The following SLC25A21 variants were observed in gnomAD, a reference collection of about 807,000 sequenced individuals.
SLC25A21 encodes mitochondrial 2-oxodicarboxylate carrier.
A neutral mutation model predicts 43.8 loss-of-function variants in SLC25A21; 47 were observed. That is an observed-to-expected ratio of 1.07 (90% CI 0.85 to 1.37). The LOEUF (loss-of-function observed/expected upper bound fraction) is 1.37, where lower values mean the gene tolerates loss of function less well. Ranked by LOEUF, SLC25A21 falls within the 40% of genes most tolerant of loss-of-function variation. The pLI is 0.00. For synonymous variants in SLC25A21, 131 were observed against 121.3 expected (o/e 1.08, Z -0.52); for missense variants, 352 against 350.2 (o/e 1.00, Z -0.04).
At chr14:37,083,593 C>A (rs769307884) in intron 1 of SLC25A21, among the ~76,000 whole-genome samples, 4 of 152,140 alleles carry the variant, frequency 2.6e-5, no homozygotes, top group African/African-American at 7.2e-5. Flanking sequence ...CAGTCAATAA[C>A]CACGAAAGCT....
intron 6 of SLC25A21, among the ~76,000 whole-genome samples, chr14:36,714,466 C>T (rs76690574): frequency 0.012 from 1,772 of 152,272 alleles, 28 homozygotes; most frequent in African/African-American, 0.04. Context: ...GCAGTAAATC[C>T]TATAAATTGG....
At chr14:36,823,314 T>G (rs114310093) in intron 2 of SLC25A21, among the ~76,000 whole-genome samples, 1,533 of 152,292 alleles carry the variant, frequency 0.01, 36 homozygotes, top group African/African-American at 0.035. Context: ...TGGTCTCCAT[T>G]AAACAAAAGC....
At chr14:37,015,158 A>G (rs1960821955) in intron 1 of SLC25A21, among the ~76,000 whole-genome samples, 1 of 151,262 alleles carries the variant, frequency 6.6e-6, no homozygotes, top group Non-Finnish European at 1.5e-5. Context: ...GTCACTTAGC[A>G]TTAGGTATAT....
chr14:36,896,855 T>C (rs1891254306), intron 1 of SLC25A21, among the ~76,000 whole-genome samples: 1 of 152,216 alleles, frequency 6.6e-6, no homozygotes, highest in Non-Finnish European at 1.5e-5. Context: ...TTAAGAATGT[T>C]GAATATTGGC....
chr14:37,010,884 A>T (rs1960715771), intron 1 of SLC25A21, among the ~76,000 whole-genome samples: 1 of 152,056 alleles, frequency 6.6e-6, no homozygotes, highest in African/African-American at 2.4e-5. Context: ...AGCTGGGACT[A>T]GCGGTACGCA....
Position 36,888,649 on chromosome 14 carries a change from G to C in SLC25A21, c.71-13645C>G, listed in dbSNP as rs573954880. Among the ~76,000 whole-genome samples the C allele has an allele frequency of 2.0e-5, 3 of 152,220 alleles. No individual in the cohort carries two copies. In the South Asian group the frequency reaches 6.2e-4, roughly 32 times the overall value. On this transcript the variant is annotated intron_variant, in intron 1 of 9. Coordinates refer to ENST00000331299, the MANE Select transcript of SLC25A21 (RefSeq NM_030631.4). Reference sequence around the variant, plus strand: ...GCCCTTCCTACGGTGTATCTTACAAGAAGAAAGAGGAAATGTTGCTTCAAA... The same window carrying C: ...GCCCTTCCTACGGTGTATCTTACAACAAGAAAGAGGAAATGTTGCTTCAAA...
At chr14:36,872,263 G>A (rs1890395311) in intron 2 of SLC25A21, among the ~76,000 whole-genome samples, 1 of 152,106 alleles carries the variant, frequency 6.6e-6, no homozygotes, top group African/African-American at 2.4e-5. Context: ...TTGGAGTCAA[G>A]TCTTGTTTTG....
intron 1 of SLC25A21, among the ~76,000 whole-genome samples, chr14:36,951,327 TAGAA>T (rs1892806071): frequency 6.6e-6 from 1 of 150,754 alleles, no homozygotes; most frequent in Non-Finnish European, 1.5e-5. Context: ...TACCTTAAAA[TAGAA>T]AGAGAATGTT....
intron 1 of SLC25A21, among the ~76,000 whole-genome samples, chr14:36,983,416 A>G (rs1362920417): frequency 6.6e-6 from 1 of 150,804 alleles, no homozygotes; most frequent in Non-Finnish European, 1.5e-5. Context: ...TAAACAAAAC[A>G]GTCAAAAACC....
Position 36,885,492 on chromosome 14 carries a change from G to C in SLC25A21, c.71-10488C>G, listed in dbSNP as rs964990696. On this transcript the variant is annotated intron_variant, in intron 1 of 9. Coordinates refer to ENST00000331299, the MANE Select transcript of SLC25A21 (RefSeq NM_030631.4). ...GTTTAGAATTATTTTTTCTATTTCT[G>C]TGGAAATTAAACTGGAATTTTGATA... Among the ~76,000 whole-genome samples the C allele has an allele frequency of 7.8e-4, 119 of 152,156 alleles. 1 individual carries two copies. The highest frequency in any genetic ancestry group is 1.9e-4 in the Non-Finnish European group (13 of 68,022).
At chr14:36,905,735 T>C (rs888480559) in intron 1 of SLC25A21, among the ~76,000 whole-genome samples, 2 of 152,104 alleles carry the variant, frequency 1.3e-5, no homozygotes, top group Non-Finnish European at 2.9e-5. Flanking sequence ...AAAGCAGCTG[T>C]AGTTAATTAA....
At chr14:36,934,439 A>C (rs1316746018) in intron 1 of SLC25A21, among the ~76,000 whole-genome samples, 1 of 150,272 alleles carries the variant, frequency 6.7e-6, no homozygotes, top group Non-Finnish European at 1.5e-5. Context: ...TCTTCCTTAC[A>C]CTTAACCTGT....
intron 1 of SLC25A21, among the ~76,000 whole-genome samples, chr14:37,147,844 C>CTT (rs61239254): frequency 0.34 from 41,996 of 124,900 alleles, 8,421 homozygotes; most frequent in African/African-American, 0.42. Context: ...TTTTTCTTTT[C>CTT]TTTTTTTTTT....
At chr14:36,896,501 C>T (rs965585523) in intron 1 of SLC25A21, among the ~76,000 whole-genome samples, 1 of 152,088 alleles carries the variant, frequency 6.6e-6, no homozygotes, top group East Asian at 1.9e-4. Context: ...TCCAATTTGC[C>T]AGTCTGTGTC....
intron 4 of SLC25A21, among the ~76,000 whole-genome samples, chr14:36,733,326 C>T (rs1318820849): frequency 2.0e-5 from 3 of 152,144 alleles, no homozygotes; most frequent in Non-Finnish European, 2.9e-5. Context: ...CTTTGGTGAA[C>T]TTATTCCAGA....
intron 6 of SLC25A21, among the ~76,000 whole-genome samples, chr14:36,717,900 T>C (rs1213622919): frequency 6.6e-6 from 1 of 152,100 alleles, no homozygotes; most frequent in African/African-American, 2.4e-5. Context: ...AGTGTGAGCG[T>C]CAGGAAAAAT....
intron 1 of SLC25A21, among the ~76,000 whole-genome samples, chr14:37,054,711 G>T (rs935164802): frequency 8.5e-6 from 1 of 118,114 alleles, no homozygotes. Flanking sequence ...TTGGAAAATA[G>T]AACTAAAAAA....
intron 1 of SLC25A21, among the ~76,000 whole-genome samples, chr14:37,033,154 C>A (rs1241842800): frequency 1.3e-5 from 2 of 152,168 alleles, no homozygotes; most frequent in African/African-American, 4.8e-5. Flanking sequence ...CCCTGGCAAC[C>A]ACCATTCTAC....
intron 3 of SLC25A21, among the ~76,000 whole-genome samples, chr14:36,764,038 A>G (rs887364636): frequency 1.5e-4 from 4 of 26,460 alleles, no homozygotes; most frequent in African/African-American, 2.2e-4. Flanking sequence ...AAGAAAGAAA[A>G]AGAAAGAAAG....
Sources: allele counts gnomAD v4.1 joint callset (sites outside exome capture counted in the v4.1 genomes callset), GRCh38; gene constraint gnomAD v4.1.1; transcripts MANE v1.5; gene names NCBI Gene and HGNC (gene_info 2026-07-23, HGNC 2026-07-21).